EFCAB6: variants seen among roughly 807,000 people sequenced by gnomAD.
The protein encoded by EFCAB6 is EF-hand calcium binding domain 6.
A neutral mutation model predicts 169.8 loss-of-function variants in EFCAB6; 156 were observed. The observed-to-expected ratio is 0.92, with a 90% CI of 0.81 to 1.05. The LOEUF (loss-of-function observed/expected upper bound fraction) is 1.05, where lower values mean the gene tolerates loss of function less well. Among genes scored for constraint, EFCAB6 ranks in the 50% least tolerant of loss-of-function variants. The pLI, the probability that EFCAB6 is intolerant of heterozygous loss-of-function variation, is 0.00. For synonymous variants in EFCAB6, 698 were observed against 676.4 expected, an observed-to-expected ratio of 1.03 and a Z score of -0.50; for missense variants, 1,800 against 1,829.1, an observed-to-expected ratio of 0.98 and a Z score of 0.29.
At position 43,628,088 on chromosome 22, in the gene EFCAB6, C is replaced by G. The variant is rs1222429578; in HGVS notation, c.2233-1409G>C. 6.6e-6 allele frequency among the ~76,000 whole-genome samples: 1 copy of G among 152,068 alleles called. No individual in the cohort carries two copies. Among genetic ancestry groups the G allele is most frequent in the Non-Finnish European group, 1.5e-5 (1 of 68,010 alleles). On this transcript the variant is annotated intron_variant, in intron 19 of 31. Transcript: ENST00000262726. This position sits in a 1 kb window ranked among gnomAD's most constrained non-coding sequence, Gnocchi z 4.8. ...CTCTCAGCCCCAAGCCGCCACCCCC[C>G]TGACCCACAGCCTCACATCTCCAGT... is the stretch of plus-strand genomic sequence containing the variant.
intron 17 of EFCAB6, among the ~76,000 whole-genome samples, chr22:43,666,455 T>C (rs1029391413): frequency 1.3e-5 from 2 of 152,248 alleles, no homozygotes; most frequent in African/African-American, 4.8e-5. Flanking sequence ...TATTGCCTTC[T>C]TCTAAATTTG....
At chr22:43,589,699 A>T (rs2051340778) in intron 24 of EFCAB6, among the ~76,000 whole-genome samples, 1 of 152,152 alleles carries the variant, frequency 6.6e-6, no homozygotes, top group Non-Finnish European at 1.5e-5. Context: ...GAGGCACGAG[A>T]ATCACTTGAA....
chr22:43,788,551 C>T (rs2062160887), intron 2 of EFCAB6, among the ~76,000 whole-genome samples: 1 of 152,038 alleles, frequency 6.6e-6, no homozygotes, highest in Non-Finnish European at 1.5e-5. Flanking sequence ...CATTCATTAG[C>T]AAGGCTATAA....
chr22:43,683,422 GTTGT>G (rs2058077386), intron 12 of EFCAB6, among the ~76,000 whole-genome samples: 1 of 152,156 alleles, frequency 6.6e-6, no homozygotes, highest in Non-Finnish European at 1.5e-5. Flanking sequence ...CCAGGTCTGG[GTTGT>G]TTGTTAATTA....
chr22:43,530,298 G>T (rs1052932773), intron 31 of EFCAB6, among the ~76,000 whole-genome samples: 7 of 152,258 alleles, frequency 4.6e-5, no homozygotes, highest in African/African-American at 1.7e-4. Flanking sequence ...AATGTGGATT[G>T]GAAAACCACT....
intron 24 of EFCAB6, among the ~76,000 whole-genome samples, chr22:43,583,813 C>T (rs1164773045): frequency 1.3e-5 from 2 of 152,116 alleles, no homozygotes; most frequent in Non-Finnish European, 2.9e-5. Context: ...TCCTAGCCTC[C>T]AGAACTGTGA....
At chr22:43,789,686 A>G (rs1368415480) in intron 2 of EFCAB6, among the ~76,000 whole-genome samples, 3 of 152,164 alleles carry the variant, frequency 2.0e-5, no homozygotes, top group Non-Finnish European at 4.4e-5. Flanking sequence ...TGTGGCAATG[A>G]GGAGTTTGGC....
intron 23 of EFCAB6, among the ~76,000 whole-genome samples, chr22:43,590,913 G>A (rs1021760037): frequency 1.1e-4 from 16 of 152,128 alleles, no homozygotes; most frequent in Non-Finnish European, 2.2e-4. Context: ...AGCGAAGAGT[G>A]TGGAGAGGGA....
chr22:43,773,462 C>T (rs2061544035), intron 3 of EFCAB6, among the ~76,000 whole-genome samples: 2 of 152,210 alleles, frequency 1.3e-5, no homozygotes, highest in Non-Finnish European at 2.9e-5. Context: ...CATCCCCTTG[C>T]CAATTTTTGA....
rs1200243450 is a variant in EFCAB6 at position 43,576,407 on chromosome 22, T to C, written c.3310A>G (p.Lys1104Glu). The change falls in exon 26 of 32, where the codon AAA (lysine) becomes GAA (glutamate). Residue 1104 changes from lysine to glutamate, a missense_variant. By Grantham distance (56) the Lys-to-Glu change is moderately conservative. Coordinates refer to ENST00000262726, the MANE Select transcript of EFCAB6 (RefSeq NM_022785.4). The part of the protein sequence containing the change: ...FGQVLKDFCY[K>E]LTDNQYHYFL... ...TAATGATACTGATTGTCCGTTAGTT[T>C]GTAACAGAAATCCTTAAGAACTTGT... 19 of 1,608,266 alleles carry C rather than the reference T, an allele frequency of 1.2e-5. No homozygotes were observed. The highest frequency in any genetic ancestry group is 1.5e-5 in the Non-Finnish European group (18 of 1,178,454).
intron 12 of EFCAB6, among the ~76,000 whole-genome samples, chr22:43,683,167 T>C (rs1416118382): frequency 2.0e-5 from 3 of 152,236 alleles, no homozygotes; most frequent in Non-Finnish European, 4.4e-5. Context: ...AATTACCGAA[T>C]GTGCTTAGTA....
At chr22:43,762,149 A>G (rs528372422) in intron 5 of EFCAB6, among the ~76,000 whole-genome samples, 1 of 152,358 alleles carries the variant, frequency 6.6e-6, no homozygotes, top group East Asian at 1.9e-4. Flanking sequence ...CCTCATGCAA[A>G]TCAACTTGTA....
At chr22:43,602,940 A>G (rs1428153187) in intron 22 of EFCAB6, among the ~76,000 whole-genome samples, 1 of 151,848 alleles carries the variant, frequency 6.6e-6, no homozygotes, top group Non-Finnish European at 1.5e-5. Flanking sequence ...TCCATGTCTT[A>G]TCTGCCTACT....
intron 9 of EFCAB6, among the ~76,000 whole-genome samples, chr22:43,712,889 T>C (rs903475807): frequency 1.3e-5 from 2 of 152,210 alleles, no homozygotes; most frequent in Non-Finnish European, 1.5e-5. Context: ...AATATAACTT[T>C]TTAGAAATTT....
At chr22:43,763,046 C>A (rs934278211) in intron 5 of EFCAB6, among the ~76,000 whole-genome samples, 7 of 151,998 alleles carry the variant, frequency 4.6e-5, no homozygotes, top group Non-Finnish European at 7.4e-5. Context: ...TGCACTCATT[C>A]ATTTTTTTTT....
chr22:43,774,002 C>G (rs570439634), intron 3 of EFCAB6, among the ~76,000 whole-genome samples: 104 of 152,258 alleles, frequency 6.8e-4, no homozygotes, highest in Non-Finnish European at 1.1e-3. Flanking sequence ...TCCTTCCCCT[C>G]TCCAAGACAA....
intron 17 of EFCAB6, among the ~76,000 whole-genome samples, chr22:43,653,325 G>GA (rs977214179): frequency 6.6e-6 from 1 of 150,936 alleles, no homozygotes; most frequent in Admixed American, 6.6e-5. Flanking sequence ...AGCTGCTAGA[G>GA]AAAAAAAAGA....
intron 25 of EFCAB6, among the ~76,000 whole-genome samples, chr22:43,579,146 G>A (rs572485487): frequency 1.8e-4 from 27 of 148,618 alleles, no homozygotes; most frequent in Non-Finnish European, 3.1e-4. Flanking sequence ...TTCTGTACAC[G>A]TAGGCATCAT....
intron 8 of EFCAB6, among the ~76,000 whole-genome samples, chr22:43,721,916 T>C (rs1253452628): frequency 6.6e-6 from 1 of 152,072 alleles, no homozygotes; most frequent in Non-Finnish European, 1.5e-5. Flanking sequence ...ACTAAAGAAC[T>C]TTTCTGCACA....
Sources: allele counts gnomAD v4.1 joint callset (sites outside exome capture counted in the v4.1 genomes callset), GRCh38; gene constraint gnomAD v4.1.1; non-coding constraint Gnocchi (gnomAD v3.1); transcripts MANE v1.5; gene names NCBI Gene and HGNC (gene_info 2026-07-23, HGNC 2026-07-21).